Variants in KCNQ5 observed in about 807,000 individuals in gnomAD.
The protein encoded by KCNQ5 is potassium voltage-gated channel subfamily KQT member 5.
Under a neutral mutation model 98.2 loss-of-function variants are expected in KCNQ5, and 30 were observed. That is an observed-to-expected ratio of 0.31 (90% confidence interval 0.23 to 0.41). The LOEUF is 0.41. Ranked by LOEUF, KCNQ5 falls within the 10% of genes least tolerant of loss-of-function variation. The pLI is 1.00. For synonymous variants in KCNQ5, 458 were observed against 449.4 expected (o/e 1.02, Z -0.24); for missense variants, 835 against 1,182.5 (o/e 0.71, Z 4.31).
At chr6:73,096,806 G>A (rs1383954593) in intron 5 of KCNQ5, among the ~76,000 whole-genome samples, 1 of 152,116 alleles carries the variant, frequency 6.6e-6, no homozygotes, top group African/African-American at 2.4e-5. Context: ...ATTTTGGGAG[G>A]CCAAGGCAGG....
At chr6:72,837,816 A>C (rs1294702936) in intron 1 of KCNQ5, among the ~76,000 whole-genome samples, 1 of 152,028 alleles carries the variant, frequency 6.6e-6, no homozygotes, top group Non-Finnish European at 1.5e-5. Flanking sequence ...GAAGCATGTT[A>C]TATATGTTTA....
chr6:73,181,296 G>A (rs1778396393), intron 11 of KCNQ5, among the ~76,000 whole-genome samples: 1 of 152,194 alleles, frequency 6.6e-6, no homozygotes, highest in Non-Finnish European at 1.5e-5. Context: ...AGCATCAAAG[G>A]AGACTAACCT....
intron 1 of KCNQ5, among the ~76,000 whole-genome samples, chr6:72,742,525 G>C (rs888506474): frequency 2.0e-5 from 3 of 152,076 alleles, no homozygotes; most frequent in African/African-American, 7.2e-5. Flanking sequence ...TCTAAGCATG[G>C]TCTGTTCAAA....
intron 1 of KCNQ5, among the ~76,000 whole-genome samples, chr6:72,825,430 A>G (rs530922169): frequency 6.6e-6 from 1 of 152,340 alleles, no homozygotes; most frequent in African/African-American, 2.4e-5. Context: ...CTCCCCAGCA[A>G]CAAGAACAGT....
At chr6:72,928,676 T>C (rs1262783070) in intron 1 of KCNQ5, among the ~76,000 whole-genome samples, 1 of 152,056 alleles carries the variant, frequency 6.6e-6, no homozygotes. Flanking sequence ...CATAGATAGA[T>C]AGAAGTAGAC....
At chr6:72,848,823 A>G (rs1221858170) in intron 1 of KCNQ5, among the ~76,000 whole-genome samples, 2 of 152,106 alleles carry the variant, frequency 1.3e-5, no homozygotes, top group East Asian at 1.9e-4. Context: ...TTTGCTCAGC[A>G]CTTCTCCTTG....
intron 1 of KCNQ5, among the ~76,000 whole-genome samples, chr6:72,942,489 G>T (rs1766356192): frequency 6.6e-6 from 1 of 152,108 alleles, no homozygotes; most frequent in Non-Finnish European, 1.5e-5. Context: ...ATATGCTACA[G>T]ATAAAAAATT....
chr6:73,126,231 T>A (rs951560433), intron 9 of KCNQ5, among the ~76,000 whole-genome samples: 1 of 152,150 alleles, frequency 6.6e-6, no homozygotes, highest in Non-Finnish European at 1.5e-5. Flanking sequence ...TGGCACAAAT[T>A]CCAGAGCTAC....
intron 1 of KCNQ5, among the ~76,000 whole-genome samples, chr6:72,934,994 C>T (rs1582043692): frequency 6.6e-6 from 1 of 151,988 alleles, no homozygotes. Flanking sequence ...ATGACACTCC[C>T]TTGCAATGAA....
chr6:72,834,369 G>T (rs1776415567), intron 1 of KCNQ5, among the ~76,000 whole-genome samples: 1 of 152,068 alleles, frequency 6.6e-6, no homozygotes, highest in Non-Finnish European at 1.5e-5. Context: ...CCAGTAAGAG[G>T]TTTAGTGTTG....
At chr6:72,791,289 G>A (rs533499598) in intron 1 of KCNQ5, among the ~76,000 whole-genome samples, 7 of 152,088 alleles carry the variant, frequency 4.6e-5, no homozygotes, top group South Asian at 4.2e-4. Flanking sequence ...ATATCCACAC[G>A]TGTGTGCATG....
chr6:72,806,551 C>G (rs929726154), intron 1 of KCNQ5, among the ~76,000 whole-genome samples: 1 of 152,116 alleles, frequency 6.6e-6, no homozygotes, highest in Non-Finnish European at 1.5e-5. Context: ...TAGCAACAGA[C>G]GAAGTAAGGC....
intron 1 of KCNQ5, among the ~76,000 whole-genome samples, chr6:72,918,258 G>A (rs892386323): frequency 1.3e-5 from 2 of 152,084 alleles, no homozygotes; most frequent in Admixed American, 6.6e-5. Context: ...AGTCCAGCTT[G>A]TCTTTGTTTA....
At chr6:72,764,945 C>T (rs1772487471) in intron 1 of KCNQ5, among the ~76,000 whole-genome samples, 1 of 152,108 alleles carries the variant, frequency 6.6e-6, no homozygotes, top group Middle Eastern at 3.4e-3. Context: ...TTGCAAATGA[C>T]TGGATCTCAT....
chr6:73,042,185 G>A (rs893608552), intron 3 of KCNQ5, 123 bp downstream of exon 3: 3 of 1,110,486 alleles, frequency 2.7e-6, no homozygotes, highest in African/African-American at 3.1e-5. Flanking sequence ...CATGGACCGG[G>A]CACTCTTGTG....
chr6:73,134,260 C>G (rs1351975968), intron 10 of KCNQ5: 1 of 168,120 alleles, frequency 5.9e-6, no homozygotes, highest in Non-Finnish European at 1.3e-5. Context: ...ATTCACTTGC[C>G]AACACATTTT....
At chr6:72,842,020 A>G (rs1324105373) in intron 1 of KCNQ5, among the ~76,000 whole-genome samples, 1 of 152,202 alleles carries the variant, frequency 6.6e-6, no homozygotes, top group Non-Finnish European at 1.5e-5. Context: ...TTTAATCAAA[A>G]CTAACTCAAG....
intron 3 of KCNQ5, among the ~76,000 whole-genome samples, chr6:73,068,733 A>G (rs1455164788): frequency 6.6e-6 from 1 of 152,178 alleles, no homozygotes; most frequent in East Asian, 1.9e-4. Flanking sequence ...ATCCATCCTC[A>G]TTAGAAATCT....
chr6:73,133,174 A>C (rs1776304205), intron 9 of KCNQ5, among the ~76,000 whole-genome samples: 1 of 152,192 alleles, frequency 6.6e-6, no homozygotes, highest in African/African-American at 2.4e-5. Context: ...GTATGACCTC[A>C]GTCTTTTCTA....
Sources: gnomAD v4.1 joint callset for allele counts (sites outside exome capture counted in the v4.1 genomes callset) on GRCh38, gnomAD v4.1.1 for gene constraint, MANE v1.5 for transcripts, NCBI Gene and HGNC (gene_info 2026-07-23, HGNC 2026-07-21) for gene names.